Variants in MTMR8 observed in about 807,000 individuals in gnomAD.
MTMR8 encodes myotubularin related protein 8.
A neutral mutation model predicts 39.3 loss-of-function variants in MTMR8; 65 were observed. That is an observed-to-expected ratio of 1.65 (90% CI 1.35 to 2.03). MTMR8 has a LOEUF of 2.03. Among genes scored for constraint, MTMR8 ranks in the 30% most tolerant of loss-of-function variants. The pLI, the probability that MTMR8 is intolerant of heterozygous loss-of-function variation, is 0.00. For synonymous variants in MTMR8, 245 were observed against 185.2 expected, an observed-to-expected ratio of 1.32 and a Z score of -2.62; for missense variants, 777 against 538.9, an observed-to-expected ratio of 1.44 and a Z score of -4.37.
At chrX:64,275,065 C>A (rs1432269513) in intron 12 of MTMR8, among the ~76,000 whole-genome samples, 2 of 111,248 alleles carry the variant, frequency 1.8e-5, no homozygotes, top group Non-Finnish European at 3.8e-5. Context: ...AGTGTCTCAC[C>A]ACAAAAATGA....
chrX:64,305,508 C>A, intron 12 of MTMR8: 2 of 346,563 alleles, frequency 5.8e-6, no homozygotes, highest in Non-Finnish European at 1.1e-5. Context: ...CAGGATTGCC[C>A]ACAAGTATGA....
intron 9 of MTMR8, 37 bp downstream of exon 9, chrX:64,337,231 C>T (rs1227538833): frequency 1.1e-5 from 13 of 1,177,526 alleles, no homozygotes; most frequent in Non-Finnish European, 1.5e-5. Context: ...CAATCTGTCT[C>T]TTACACAAAG....
At chrX:64,326,842 G>C (rs900602361) in intron 12 of MTMR8, among the ~76,000 whole-genome samples, 1 of 109,858 alleles carries the variant, frequency 9.1e-6, no homozygotes, top group African/African-American at 3.3e-5. Context: ...GAATGATACT[G>C]ATCTAAAAAT....
At chrX:64,298,611 C>A (rs1434781427) in intron 12 of MTMR8, among the ~76,000 whole-genome samples, 4 of 94,590 alleles carry the variant, frequency 4.2e-5, no homozygotes, top group Admixed American at 2.0e-4. Flanking sequence ...ACTTCCAACA[C>A]TATGTTGAAT....
intron 1 of MTMR8, among the ~76,000 whole-genome samples, chrX:64,390,078 T>C (rs1243171474): frequency 9.0e-6 from 1 of 111,721 alleles, no homozygotes; most frequent in Non-Finnish European, 1.9e-5. Context: ...CTGCTTCTTG[T>C]CTAAATGCAT....
At chrX:64,303,411 C>T (rs752503262) in intron 12 of MTMR8, among the ~76,000 whole-genome samples, 1 of 112,175 alleles carries the variant, frequency 8.9e-6, no homozygotes, top group Non-Finnish European at 1.9e-5. Flanking sequence ...TACTCTAGTT[C>T]AACAGAGTTA....
At chrX:64,362,989 A>G (rs1361524618) in intron 1 of MTMR8, among the ~76,000 whole-genome samples, 1 of 111,262 alleles carries the variant, frequency 9.0e-6, no homozygotes, top group African/African-American at 3.3e-5. Flanking sequence ...GAAGCTCAAA[A>G]CATTGGGAAT....
At chrX:64,347,488 T>C (rs942289872) in intron 6 of MTMR8, among the ~76,000 whole-genome samples, 1 of 111,821 alleles carries the variant, frequency 8.9e-6, no homozygotes, top group Non-Finnish European at 1.9e-5. Flanking sequence ...TCTCCTGAGC[T>C]CAGTCAGTCC....
chrX:64,329,896 T>G (rs1419634403), intron 11 of MTMR8, among the ~76,000 whole-genome samples: 1 of 111,888 alleles, frequency 8.9e-6, no homozygotes, highest in Non-Finnish European at 1.9e-5. Flanking sequence ...ACTCTTTACC[T>G]AAAATACCTC....
At chrX:64,381,186 G>A (rs1467867031) in intron 1 of MTMR8, among the ~76,000 whole-genome samples, 1 of 111,845 alleles carries the variant, frequency 8.9e-6, no homozygotes, top group African/African-American at 3.3e-5. Flanking sequence ...TTCCACAATG[G>A]TTGAATTAGT....
At chrX:64,376,689 C>T (rs896657243) in intron 1 of MTMR8, among the ~76,000 whole-genome samples, 18 of 112,431 alleles carry the variant, frequency 1.6e-4, no homozygotes, top group African/African-American at 5.8e-4. Flanking sequence ...AAACTTGCAG[C>T]CTGGTCATGT....
intron 12 of MTMR8, among the ~76,000 whole-genome samples, chrX:64,300,998 C>T (rs1357439722): frequency 9.4e-6 from 1 of 106,264 alleles, no homozygotes; most frequent in Non-Finnish European, 2.0e-5. Context: ...TTCTCTCTGG[C>T]TGCCCTTAAC....
chrX:64,374,494 G>A (rs778717870), intron 1 of MTMR8, among the ~76,000 whole-genome samples: 9 of 111,808 alleles, frequency 8.0e-5, no homozygotes, highest in South Asian at 3.7e-4. Context: ...GTCTAAGCAC[G>A]CTCTTTATCC....
chrX:64,270,384 C>T (rs752774888), intron 13 of MTMR8, among the ~76,000 whole-genome samples: 3 of 112,278 alleles, frequency 2.7e-5, no homozygotes, highest in African/African-American at 3.2e-5. Context: ...TACCTTTCCC[C>T]TGTCCTTCAA....
chrX:64,288,460 C>T (rs769766949), intron 12 of MTMR8, among the ~76,000 whole-genome samples: 6 of 111,597 alleles, frequency 5.4e-5, no homozygotes, highest in South Asian at 3.8e-4. Flanking sequence ...GACAGTGTGG[C>T]GATTCCTCAG....
At chrX:64,373,532 G>C in intron 1 of MTMR8, among the ~76,000 whole-genome samples, 1 of 111,682 alleles carries the variant, frequency 9.0e-6, no homozygotes, top group East Asian at 2.8e-4. Flanking sequence ...GCAGAACTAT[G>C]AGTCAATTAA....
chrX:64,314,655 G>A (rs932053863), intron 12 of MTMR8, among the ~76,000 whole-genome samples: 1 of 112,930 alleles, frequency 8.9e-6, no homozygotes, highest in African/African-American at 3.2e-5. Flanking sequence ...CAGTGGCACA[G>A]CATGGTTCAG....
At position 64,326,717 on chromosome X, in the gene MTMR8, A is replaced by G. The variant is rs192315320; in HGVS notation, c.1481+2055T>C. ...ATCCTAAAATTTGTAAGGAACCACA[A>G]AAGATCCCGAATAGCTGAGGCAAAC... On this transcript the variant is annotated intron_variant, in intron 12 of 13. Transcript: ENST00000374852. Among the ~76,000 whole-genome samples the G allele has an allele frequency of 3.1e-3, 340 of 111,425 alleles. 1 individual carries two copies. The highest frequency in any genetic ancestry group is 5.9e-3 in the Non-Finnish European group (311 of 52,914).
intron 1 of MTMR8, among the ~76,000 whole-genome samples, chrX:64,365,557 T>A (rs961471041): frequency 3.6e-5 from 4 of 111,542 alleles, no homozygotes; most frequent in African/African-American, 1.3e-4. Flanking sequence ...GACAAGCAAA[T>A]GTTGAGAGAT....
Sources: gnomAD v4.1 joint callset for allele counts (sites outside exome capture counted in the v4.1 genomes callset) on GRCh38, gnomAD v4.1.1 for gene constraint, MANE v1.5 for transcripts, NCBI Gene and HGNC (gene_info 2026-07-23, HGNC 2026-07-21) for gene names.